The following NPAS3 variants were observed in gnomAD, a reference collection of about 807,000 sequenced individuals.
NPAS3 encodes neuronal PAS domain protein 3, also known as neuronal PAS domain-containing protein 3.
Under a neutral mutation model 73.1 loss-of-function variants are expected in NPAS3, and 14 were observed. The observed-to-expected ratio is 0.19, with a 90% CI of 0.13 to 0.30. The LOEUF (loss-of-function observed/expected upper bound fraction) is 0.30, where lower values mean the gene tolerates loss of function less well. Among genes scored for constraint, NPAS3 ranks in the 10% least tolerant of loss-of-function variants. NPAS3 has a pLI of 1.00. For synonymous variants in NPAS3, 620 were observed against 541.5 expected (o/e 1.14, Z -2.01); for missense variants, 1,096 against 1,250.0 (o/e 0.88, Z 1.86).
At chr14:32,968,529 A>G (rs1245798307) in intron 1 of NPAS3, among the ~76,000 whole-genome samples, 1 of 152,196 alleles carries the variant, frequency 6.6e-6, no homozygotes, top group African/African-American at 2.4e-5. Context: ...TCAGTTTTGT[A>G]CTTGGAATAT....
intron 1 of NPAS3, among the ~76,000 whole-genome samples, chr14:32,959,717 C>T: frequency 6.6e-6 from 1 of 152,148 alleles, no homozygotes; most frequent in Non-Finnish European, 1.5e-5. Flanking sequence ...ACTTCATTTC[C>T]TCAGTAACAG....
intron 2 of NPAS3, among the ~76,000 whole-genome samples, chr14:33,108,230 G>C (rs180910686): frequency 2.3e-5 from 3 of 133,130 alleles, no homozygotes; most frequent in Non-Finnish European, 4.7e-5. Context: ...ATCTCGTTCT[G>C]TTGCCTAGGC....
chr14:33,187,136 G>C (rs905307092), intron 2 of NPAS3, among the ~76,000 whole-genome samples: 1 of 152,100 alleles, frequency 6.6e-6, no homozygotes, highest in Non-Finnish European at 1.5e-5. Context: ...GCCCTTTGGG[G>C]CTTCTTACTA....
intron 5 of NPAS3, among the ~76,000 whole-genome samples, chr14:33,583,688 C>G (rs958492397): frequency 6.6e-6 from 1 of 151,988 alleles, no homozygotes; most frequent in African/African-American, 2.4e-5. Flanking sequence ...TTAAGAGAAA[C>G]TTAAAGATTT....
chr14:33,152,862 T>C (rs1430075931), intron 2 of NPAS3, among the ~76,000 whole-genome samples: 3 of 152,138 alleles, frequency 2.0e-5, no homozygotes, highest in Non-Finnish European at 4.4e-5. Flanking sequence ...CCTTCAGTTC[T>C]GGAAAATGTT....
chr14:33,048,749 GCA>G (rs2040599222), intron 1 of NPAS3, among the ~76,000 whole-genome samples: 1 of 152,184 alleles, frequency 6.6e-6, no homozygotes, highest in African/African-American at 2.4e-5. Context: ...ATTTTGCTGA[GCA>G]CAGTCATCTC....
chr14:33,215,299 C>A, exon 3 of NPAS3: 1 of 1,563,490 alleles, frequency 6.4e-7, no homozygotes, highest in Non-Finnish European at 8.8e-7. Context: ...CCATTACCAG[C>A]CAGCTCGACA....
At chr14:33,125,245 TA>T (rs1255237158) in intron 2 of NPAS3, among the ~76,000 whole-genome samples, 1 of 152,094 alleles carries the variant, frequency 6.6e-6, no homozygotes, top group Non-Finnish European at 1.5e-5. Context: ...ATAATTTTTA[TA>T]AGCACTAGAA....
rs114799068 is a variant in NPAS3 at position 33,122,640 on chromosome 14, G to A, written c.140+66646G>A. ...CATGTTGTGATACTCAGGTTCAAAC[G>A]ATCTCAAACTTATTTTTTTACTTCA... On this transcript the variant is annotated intron_variant, in intron 2 of 11. Transcript: ENST00000356141. 2.9e-3 allele frequency among the ~76,000 whole-genome samples: 447 copies of A among 152,166 alleles called. 2 individuals carry two copies. Among genetic ancestry groups the A allele is most frequent in the African/African-American group, 9.6e-3 (398 of 41,542 alleles).
chr14:33,680,595 G>C (rs2059907503), intron 6 of NPAS3: 1 of 702,358 alleles, frequency 1.4e-6, no homozygotes, highest in Non-Finnish European at 2.6e-6. Context: ...TTCCCTTTCT[G>C]TCTCCAGTGG....
chr14:33,206,387 T>TA (rs1479847485), intron 2 of NPAS3, among the ~76,000 whole-genome samples: 2 of 152,180 alleles, frequency 1.3e-5, no homozygotes, highest in African/African-American at 4.8e-5. Context: ...GTCCTGCTTT[T>TA]AGCACCTAAA....
intron 5 of NPAS3, among the ~76,000 whole-genome samples, chr14:33,673,188 A>G (rs1159558692): frequency 1.3e-5 from 2 of 152,228 alleles, no homozygotes; most frequent in Admixed American, 6.5e-5. Flanking sequence ...AGGCTGAAGC[A>G]CAGGGGAACT....
intron 5 of NPAS3, among the ~76,000 whole-genome samples, chr14:33,623,492 G>A (rs2058137167): frequency 6.6e-6 from 1 of 152,198 alleles, no homozygotes; most frequent in African/African-American, 2.4e-5. Flanking sequence ...TACCACTGCA[G>A]TTCAGGTCGT....
At chr14:33,712,544 G>A (rs1364704110) in intron 6 of NPAS3, among the ~76,000 whole-genome samples, 6 of 152,154 alleles carry the variant, frequency 3.9e-5, no homozygotes, top group Non-Finnish European at 8.8e-5. Flanking sequence ...TCAAGTTCGA[G>A]ACAAAAACAA....
At chr14:33,735,312 A>G (rs1461109976) in exon 7 of NPAS3, 1 of 1,612,992 alleles carries the variant, frequency 6.2e-7, no homozygotes. Flanking sequence ...CGGTGTGCAC[A>G]TCAAATCATC....
chr14:33,188,015 T>G (rs2046041663), intron 2 of NPAS3, among the ~76,000 whole-genome samples: 1 of 152,164 alleles, frequency 6.6e-6, no homozygotes, highest in Non-Finnish European at 1.5e-5. Context: ...ACAGAGAGGT[T>G]AAGTAACTTG....
chr14:33,008,555 C>T (rs565988078), intron 1 of NPAS3, among the ~76,000 whole-genome samples: 4 of 152,158 alleles, frequency 2.6e-5, no homozygotes, highest in Non-Finnish European at 4.4e-5. Flanking sequence ...TAGAGAATGA[C>T]GTACACAAAA....
chr14:33,510,422 A>T (rs148618817), intron 4 of NPAS3, among the ~76,000 whole-genome samples: 1 of 152,088 alleles, frequency 6.6e-6, no homozygotes, highest in Non-Finnish European at 1.5e-5. Context: ...TTCTTCCTAG[A>T]GTGATAAATT....
intron 3 of NPAS3, among the ~76,000 whole-genome samples, chr14:33,234,829 T>G (rs1231108319): frequency 6.6e-6 from 1 of 152,150 alleles, no homozygotes; most frequent in Admixed American, 6.6e-5. Flanking sequence ...GATTCCCACA[T>G]TTGGTTTTTG....
Sources: gnomAD v4.1 joint callset for allele counts (sites outside exome capture counted in the v4.1 genomes callset) on GRCh38, gnomAD v4.1.1 for gene constraint, MANE v1.5 for transcripts, NCBI Gene and HGNC (gene_info 2026-07-23, HGNC 2026-07-21) for gene names.